The following WDR70 variants were observed in gnomAD, a reference collection of about 807,000 sequenced individuals.
WDR70 encodes WD repeat domain 70, also known as WD repeat-containing protein 70.
Under a neutral mutation model 88.6 loss-of-function variants are expected in WDR70, and 53 were observed. The ratio of observed to expected loss-of-function variants is 0.60; its 90% confidence interval spans 0.48 to 0.75. The LOEUF (loss-of-function observed/expected upper bound fraction) is 0.75. WDR70 is among the 30% of genes least tolerant of loss of function. The pLI, the probability that WDR70 is intolerant of heterozygous loss-of-function variation, is 0.00. For missense variants in WDR70, 610 were observed against 823.2 expected, an observed-to-expected ratio of 0.74 and a Z score of 3.17; for synonymous variants, 280 against 270.0, an observed-to-expected ratio of 1.04 and a Z score of -0.36.
intron 8 of WDR70, among the ~76,000 whole-genome samples, chr5:37,510,290 C>T (rs1278262232): frequency 6.6e-6 from 1 of 151,988 alleles, no homozygotes; most frequent in Non-Finnish European, 1.5e-5. Flanking sequence ...CAAACTAACC[C>T]ACCTTCCTAT....
chr5:37,576,087 T>TTCCTTCCCTCCCTCCCCGCC (rs1215674964), intron 9 of WDR70, among the ~76,000 whole-genome samples: 1 of 148,206 alleles, frequency 6.7e-6, no homozygotes, highest in Non-Finnish European at 1.5e-5. Flanking sequence ...ACTTCCTTCC[T>TTCCTTCCCTCCCTCCCCGCC]TCCTTCCCTC....
At chr5:37,472,062 G>T (rs1739342645) in intron 7 of WDR70, among the ~76,000 whole-genome samples, 1 of 151,762 alleles carries the variant, frequency 6.6e-6, no homozygotes, top group Admixed American at 6.6e-5. Context: ...ATCAAATTAA[G>T]AACTTTCCCT....
chr5:37,723,131 AT>A (rs1747872407), intron 15 of WDR70, 197 bp downstream of exon 15: 1 of 607,548 alleles, frequency 1.6e-6, no homozygotes, highest in African/African-American at 1.9e-5. Context: ...GGACAGGGTT[AT>A]TTCATGCAGC....
intron 8 of WDR70, among the ~76,000 whole-genome samples, chr5:37,498,299 G>T (rs1053430462): frequency 6.6e-6 from 1 of 152,088 alleles, no homozygotes; most frequent in Non-Finnish European, 1.5e-5. Context: ...TTCTTTACTT[G>T]ACTTTGAATT....
chr5:37,406,499 TG>T (rs1749357816), intron 5 of WDR70, among the ~76,000 whole-genome samples: 1 of 152,228 alleles, frequency 6.6e-6, no homozygotes, highest in African/African-American at 2.4e-5. Flanking sequence ...ACTTTAAAGC[TG>T]TGTGATTTTG....
chr5:37,460,723 T>A lies in WDR70; in HGVS notation c.686+17351T>A, dbSNP rs1455077505. 1.7e-4 allele frequency among the ~76,000 whole-genome samples: 24 copies of A among 143,414 alleles called. No individual in the cohort carries two copies. In the South Asian group the frequency reaches 1.8e-3, roughly 11 times the overall value. 94.1% of individuals were successfully genotyped at this position (143,414 alleles called of 152,430 possible). A position where few individuals can be genotyped will look rare whatever the true frequency, so the allele number is the denominator to read the frequency against. On this transcript the variant is annotated intron_variant, in intron 7 of 17. Transcript: ENST00000265107. ...AACATTAAAAATAAAAAATAAAAAA[T>A]AAAAACAAAAAGAAAACAGCAGGTT... is the stretch of plus-strand genomic sequence containing the variant.
intron 10 of WDR70, among the ~76,000 whole-genome samples, chr5:37,672,022 C>T (rs1746040427): frequency 6.6e-6 from 1 of 152,148 alleles, no homozygotes; most frequent in South Asian, 2.1e-4. Context: ...TAACTTTAGC[C>T]CCAACCCTGT....
At chr5:37,595,920 A>G (rs1227423689) in intron 9 of WDR70, among the ~76,000 whole-genome samples, 2 of 152,182 alleles carry the variant, frequency 1.3e-5, no homozygotes, top group African/African-American at 4.8e-5. Flanking sequence ...TCTAATCTAT[A>G]TACAGTGAGG....
intron 10 of WDR70, among the ~76,000 whole-genome samples, chr5:37,665,067 C>A (rs552574466): frequency 1.3e-5 from 2 of 152,246 alleles, no homozygotes; most frequent in East Asian, 3.9e-4. Flanking sequence ...CTTTTTTAGT[C>A]AAATTGTACT....
At position 37,569,769 on chromosome 5, in the gene WDR70, A is replaced by G. The variant is rs140155857; in HGVS notation, c.918-35295A>G. Among the ~76,000 whole-genome samples, 181 of 152,326 alleles carry G rather than the reference A, an allele frequency of 1.2e-3. 3 individuals are homozygous for G. The highest frequency in any genetic ancestry group is 4.2e-3 in the African/African-American group (174 of 41,574). On this transcript the variant is annotated intron_variant, in intron 9 of 17. Coordinates refer to ENST00000265107, the MANE Select transcript of WDR70 (RefSeq NM_018034.4). The stretch of plus-strand genomic sequence containing the variant: ...ATACAGTGGAATAGAAATTCTAATG[A>G]TAGGAACACATAAGAGGAAGCAATT...
chr5:37,439,375 T>C (rs914986658), intron 6 of WDR70, among the ~76,000 whole-genome samples: 13 of 152,206 alleles, frequency 8.5e-5, no homozygotes, highest in Non-Finnish European at 1.9e-4. Flanking sequence ...GATGGAATTC[T>C]ACTTTTTGTG....
intron 8 of WDR70, among the ~76,000 whole-genome samples, chr5:37,481,039 T>C (rs1263485602): frequency 1.3e-5 from 2 of 152,242 alleles, no homozygotes; most frequent in Admixed American, 6.5e-5. Context: ...AATGACCTCC[T>C]TTGACTCCAT....
At position 37,711,987 on chromosome 5, in the gene WDR70, C is replaced by CTTTTTTTTTTTTT. The variant is rs70978842; in HGVS notation, c.1416+8908_1416+8920dup. On this transcript the variant is annotated intron_variant, in intron 13 of 17. Transcript: ENST00000265107. ...TGGAATTTCAGTGCATATATTTTTT[C>CTTTTTTTTTTTTT]TTTTTTTTTTTTTTTTTTTTCTTGA... Among the ~76,000 whole-genome samples the CTTTTTTTTTTTTT allele has an allele frequency of 2.2e-4, 23 of 104,002 alleles. 1 individual carries two copies. Among genetic ancestry groups the CTTTTTTTTTTTTT allele is most frequent in the Non-Finnish European group, 2.9e-4 (15 of 52,336 alleles). 68.2% of individuals were successfully genotyped at this position (104,002 alleles called of 152,430 possible). A position where few individuals can be genotyped will look rare whatever the true frequency, so the allele number is the denominator to read the frequency against.
Position 37,692,933 on chromosome 5 carries a change from T to C in WDR70, c.1093-4722T>C, listed in dbSNP as rs111531790. Among the ~76,000 whole-genome samples the C allele has an allele frequency of 1.3e-3, 195 of 152,302 alleles. 2 individuals are homozygous for C. The highest frequency in any genetic ancestry group is 4.5e-3 in the African/African-American group (189 of 41,572). On this transcript the variant is annotated intron_variant, in intron 10 of 17. Coordinates refer to ENST00000265107, the MANE Select transcript of WDR70 (RefSeq NM_018034.4). ...AAAAGAGGAAGTCAGATTGTCCCTA[T>C]TTGCAGATGACATGATTGTATATTT...
chr5:37,552,284 A>G (rs1047912671), intron 9 of WDR70, among the ~76,000 whole-genome samples: 3 of 152,200 alleles, frequency 2.0e-5, no homozygotes, highest in East Asian at 1.9e-4. Flanking sequence ...TGCTATTACT[A>G]TCGCGCAAAG....
At chr5:37,673,852 G>T (rs186097545) in intron 10 of WDR70, among the ~76,000 whole-genome samples, 16 of 151,620 alleles carry the variant, frequency 1.1e-4, no homozygotes, top group Admixed American at 1.1e-3. Flanking sequence ...GCTCCCACTT[G>T]TGAGAACATG....
Position 37,671,632 on chromosome 5 carries a change from CCACTGTTTCTAT to C in WDR70, c.1093-26022_1093-26011del, listed in dbSNP as rs1347971709. On this transcript the variant is annotated intron_variant, in intron 10 of 17. Transcript: ENST00000265107. ...ATTCTTACCTTTGAAATAGTTTTTT[CCACTGTTTCTAT>C]TTCTTATGAGAGGCATTTTGACCAT... 2.6e-5 allele frequency among the ~76,000 whole-genome samples: 4 copies of C among 152,126 alleles called. No individual in the cohort carries two copies. In the East Asian group the frequency reaches 7.7e-4, roughly 29 times the overall value.
chr5:37,607,596 A>T (rs1017773832), intron 10 of WDR70, among the ~76,000 whole-genome samples: 8 of 152,140 alleles, frequency 5.3e-5, no homozygotes, highest in African/African-American at 1.9e-4. Context: ...GCCACATTTG[A>T]CTATTTTAAT....
chr5:37,631,691 T>A (rs1744823706), intron 10 of WDR70, among the ~76,000 whole-genome samples: 2 of 152,094 alleles, frequency 1.3e-5, no homozygotes, highest in Admixed American at 6.6e-5. Flanking sequence ...TTAACCAACA[T>A]CTCTAGGGCC....
Sources: allele counts gnomAD v4.1 joint callset (sites outside exome capture counted in the v4.1 genomes callset), GRCh38; gene constraint gnomAD v4.1.1; transcripts MANE v1.5; gene names NCBI Gene and HGNC (gene_info 2026-07-23, HGNC 2026-07-21).